CCDC83: variants seen among roughly 807,000 people sequenced by gnomAD.
CCDC83 encodes the protein coiled-coil domain containing 83.
CCDC83 carries 54 observed loss-of-function variants against 50.1 expected under a neutral mutation model. The ratio of observed to expected loss-of-function variants is 1.08; its 90% CI spans 0.87 to 1.35. The LOEUF is 1.35. Among genes scored for constraint, CCDC83 ranks in the 40% most tolerant of loss-of-function variants. CCDC83 has a pLI of 0.00. For missense variants in CCDC83, 518 were observed against 473.9 expected, an observed-to-expected ratio of 1.09 and a Z score of -0.86; for synonymous variants, 161 against 153.3, an observed-to-expected ratio of 1.05 and a Z score of -0.37.
intron 5 of CCDC83, among the ~76,000 whole-genome samples, chr11:85,891,637 T>C (rs1187110826): frequency 6.6e-6 from 1 of 152,166 alleles, no homozygotes; most frequent in Non-Finnish European, 1.5e-5. Flanking sequence ...GGTTCAAGAC[T>C]CCGTACAAAA....
intron 4 of CCDC83, among the ~76,000 whole-genome samples, chr11:85,883,526 C>G (rs2093312042): frequency 6.6e-6 from 1 of 152,118 alleles, no homozygotes; most frequent in Admixed American, 6.5e-5. Context: ...CCAGGGCATA[C>G]TCTTGCTGTA....
intron 7 of CCDC83, among the ~76,000 whole-genome samples, chr11:85,910,227 T>C (rs1236861009): frequency 2.0e-5 from 3 of 152,322 alleles, no homozygotes; most frequent in South Asian, 2.1e-4. Context: ...ATGGCTTCCA[T>C]TATGGTTATT....
intron 7 of CCDC83, among the ~76,000 whole-genome samples, chr11:85,899,655 T>C (rs1270439902): frequency 3.3e-5 from 5 of 152,218 alleles, no homozygotes; most frequent in Non-Finnish European, 5.9e-5. Context: ...CTGAAAGATG[T>C]TGAAATTGTC....
At chr11:85,889,285 G>A (rs1015463866) in intron 5 of CCDC83, among the ~76,000 whole-genome samples, 1 of 152,232 alleles carries the variant, frequency 6.6e-6, no homozygotes, top group Admixed American at 6.5e-5. Flanking sequence ...CTAGTAGGCA[G>A]AGGTTGCAGT....
chr11:85,919,289 A>G (rs963991269), intron 10 of CCDC83, 60 bp from the exon 11 acceptor site: 14 of 1,468,814 alleles, frequency 9.5e-6, no homozygotes, highest in Admixed American at 9.2e-5. Flanking sequence ...AGCCTAATCT[A>G]TCAAGCTGGT....
intron 7 of CCDC83, 67 bp from the exon 8 acceptor site, chr11:85,911,214 A>T: frequency 1.6e-6 from 2 of 1,280,744 alleles, no homozygotes; most frequent in Non-Finnish European, 2.1e-6. Context: ...GAAAAAAATA[A>T]AGAAAAGAAA....
intron 1 of CCDC83, among the ~76,000 whole-genome samples, chr11:85,860,592 A>G (rs2093170503): frequency 6.6e-6 from 1 of 152,168 alleles, no homozygotes; most frequent in Non-Finnish European, 1.5e-5. Context: ...TTCTCAAAGA[A>G]CTTAAAACAG....
intron 7 of CCDC83, among the ~76,000 whole-genome samples, chr11:85,903,049 T>C (rs1415733615): frequency 1.3e-5 from 2 of 151,990 alleles, no homozygotes; most frequent in African/African-American, 4.8e-5. Context: ...CTGGCCAACA[T>C]GGTGAAACCC....
At chr11:85,886,177 C>T in intron 4 of CCDC83, 23 bp from the exon 5 acceptor site, 2 of 1,505,724 alleles carry the variant, frequency 1.3e-6, no homozygotes, top group Non-Finnish European at 1.8e-6. Flanking sequence ...ACAGAAATGA[C>T]ACAGTGTCTT....
chr11:85,913,234 T>A (rs2093463182), intron 8 of CCDC83, among the ~76,000 whole-genome samples: 1 of 152,228 alleles, frequency 6.6e-6, no homozygotes, highest in South Asian at 2.1e-4. Context: ...CCTTGCTATA[T>A]GCTCCCACAA....
Position 85,916,050 on chromosome 11 carries a change from C to A in CCDC83, c.897C>A (p.Pro299=). 6.2e-7 allele frequency: 1 copy of A among 1,610,720 alleles called. No homozygotes were observed. Among genetic ancestry groups the A allele is most frequent in the South Asian group, 1.1e-5 (1 of 90,290 alleles). Residue 299 remains proline, a synonymous_variant, in exon 10 of 11, where the codon CCC becomes CCA. Transcript: ENST00000342404. Reference sequence around the variant, plus strand: ...AAGAAGAGAAGTCAGAATTGCAACCCACAGAAGTAGAAAGTAGAGACTTGA... The same window carrying A: ...AAGAAGAGAAGTCAGAATTGCAACCAACAGAAGTAGAAAGTAGAGACTTGA... ...THIEEKSELQ[P]TEVESRDLMS... is the part of the protein sequence containing the mutation.
At chr11:85,871,398 A>G (rs1236430520) in intron 2 of CCDC83, among the ~76,000 whole-genome samples, 1 of 152,180 alleles carries the variant, frequency 6.6e-6, no homozygotes, top group Non-Finnish European at 1.5e-5. Context: ...CTAAAATTCA[A>G]GTTTCATAGT....
At chr11:85,899,133 A>T (rs986207299) in intron 7 of CCDC83, 118 bp downstream of exon 7, 1 of 695,348 alleles carries the variant, frequency 1.4e-6, no homozygotes, top group African/African-American at 1.8e-5. Flanking sequence ...GACTGAGACA[A>T]AATAAAATTC....
intron 4 of CCDC83, among the ~76,000 whole-genome samples, chr11:85,882,938 G>A (rs890897105): frequency 5.9e-5 from 9 of 152,060 alleles, no homozygotes; most frequent in African/African-American, 2.2e-4. Flanking sequence ...TTTTTTTTGG[G>A]ATAGGGTGTA....
At chr11:85,859,068 T>C (rs2093159477) in intron 1 of CCDC83, among the ~76,000 whole-genome samples, 2 of 147,556 alleles carry the variant, frequency 1.4e-5, no homozygotes, top group Non-Finnish European at 3.0e-5. Flanking sequence ...ATCACAACCC[T>C]GGGTCAAAAA....
rs756471246 is a variant in CCDC83 at position 85,873,231 on chromosome 11, C to G, written c.116C>G (p.Ala39Gly). ...LDYQCQIKED[A>G]VEQFMFQIKT... ...CTCAGATGTCAAATAAAGGAAGATG[C>G]CGTGGAGCAATTCATGTTTCAAATA... The change falls in exon 3 of 11, where the codon GCC (alanine) becomes GGC (glycine). Residue 39 changes from alanine (A) to glycine (G), a missense_variant. Ala to Gly is a moderately conservative substitution (Grantham distance 60, BLOSUM62 0). Transcript: ENST00000342404. The G allele has an allele frequency of 7.1e-6, 11 of 1,549,552 alleles. No individual in the cohort carries two copies. Among genetic ancestry groups the G allele is most frequent in the Non-Finnish European group, 9.6e-6 (11 of 1,142,834 alleles).
intron 6 of CCDC83, among the ~76,000 whole-genome samples, chr11:85,897,102 A>G (rs2093379274): frequency 6.6e-6 from 1 of 152,270 alleles, no homozygotes; most frequent in African/African-American, 2.4e-5. Flanking sequence ...TCAACCATTA[A>G]GTAATCGGAC....
At chr11:85,913,012 T>C (rs566357403) in intron 8 of CCDC83, among the ~76,000 whole-genome samples, 9 of 152,228 alleles carry the variant, frequency 5.9e-5, no homozygotes, top group Non-Finnish European at 1.3e-4. Context: ...ATTGAGTTGT[T>C]TACTGTGCAG....
At chr11:85,860,562 G>A (rs566224486) in intron 1 of CCDC83, among the ~76,000 whole-genome samples, 2 of 152,234 alleles carry the variant, frequency 1.3e-5, no homozygotes, top group South Asian at 4.1e-4. Flanking sequence ...TAAAGAACAC[G>A]TGGAAAGCAG....
Sources: gnomAD v4.1 joint callset for allele counts (sites outside exome capture counted in the v4.1 genomes callset) on GRCh38, gnomAD v4.1.1 for gene constraint, MANE v1.5 for transcripts, NCBI Gene and HGNC (gene_info 2026-07-23, HGNC 2026-07-21) for gene names.